ARMH3: variants seen among roughly 807,000 people sequenced by gnomAD.
The protein encoded by ARMH3 is armadillo like helical domain containing 3.
Under a neutral mutation model 99.1 loss-of-function variants are expected in ARMH3, and 60 were observed. The ratio of observed to expected loss-of-function variants is 0.61; its 90% CI spans 0.49 to 0.75. ARMH3 has a LOEUF of 0.75. Among genes scored for constraint, ARMH3 ranks in the 30% least tolerant of loss-of-function variants. ARMH3 has a pLI of 0.00. For synonymous variants in ARMH3, 285 were observed against 292.8 expected (o/e 0.97, Z 0.27); for missense variants, 679 against 843.1 (o/e 0.81, Z 2.41).
intron 24 of ARMH3, among the ~76,000 whole-genome samples, chr10:101,880,858 T>C (rs1374108655): frequency 1.3e-5 from 2 of 152,104 alleles, no homozygotes; most frequent in Non-Finnish European, 2.9e-5. Flanking sequence ...CAAACTGGGG[T>C]TCTCCTCTTA....
intron 20 of ARMH3, among the ~76,000 whole-genome samples, chr10:101,970,152 C>T (rs1346462577): frequency 6.6e-6 from 1 of 152,232 alleles, no homozygotes; most frequent in African/African-American, 2.4e-5. Context: ...AACAACTACA[C>T]ACTTCTCTCT....
At chr10:101,898,497 T>C (rs1589984974) in intron 23 of ARMH3, among the ~76,000 whole-genome samples, 2 of 152,116 alleles carry the variant, frequency 1.3e-5, no homozygotes, top group South Asian at 2.1e-4. Flanking sequence ...AATAAATAAA[T>C]AGTTTCATTC....
intron 24 of ARMH3, among the ~76,000 whole-genome samples, chr10:101,852,455 T>C (rs2066624932): frequency 6.6e-6 from 1 of 152,206 alleles, no homozygotes; most frequent in East Asian, 1.9e-4. Flanking sequence ...TACTAGCTCC[T>C]TGGAAGAAAA....
At chr10:101,910,558 C>A (rs551704363) in intron 23 of ARMH3, among the ~76,000 whole-genome samples, 91 of 151,688 alleles carry the variant, frequency 6.0e-4, no homozygotes, top group African/African-American at 2.1e-3. Flanking sequence ...GGCAAAACAT[C>A]GTCTCTACTA....
rs567195589 is a variant in ARMH3 at position 101,866,839 on chromosome 10, G to C, written c.1861-16947C>G. Among the ~76,000 whole-genome samples the C allele has an allele frequency of 2.6e-5, 4 of 152,278 alleles. No homozygotes were observed. The South Asian group carries it at 8.3e-4, about 32-fold the overall frequency. On this transcript the variant is annotated intron_variant, in intron 24 of 25. Transcript: ENST00000370033. ...AGCCTCTGCCAACCAAGAGGCAACA[G>C]ATGAATTTCTAGACACTATTAAGAA... is the stretch of plus-strand genomic sequence containing the variant.
chr10:101,990,500 G>C (rs753248925), intron 19 of ARMH3, 51 bp downstream of exon 19: 1 of 1,402,286 alleles, frequency 7.1e-7, no homozygotes, highest in Non-Finnish European at 1.0e-6. Flanking sequence ...CTAACATTCA[G>C]TTCTTTAAAA....
intron 23 of ARMH3, among the ~76,000 whole-genome samples, chr10:101,928,599 T>A (rs1200179626): frequency 2.0e-5 from 3 of 151,968 alleles, no homozygotes; most frequent in African/African-American, 7.3e-5. Flanking sequence ...AGCCCCAGAG[T>A]TTGAGGCCGC....
chr10:101,888,931 A>C (rs981162527), intron 24 of ARMH3, among the ~76,000 whole-genome samples: 5 of 152,166 alleles, frequency 3.3e-5, no homozygotes, highest in African/African-American at 1.2e-4. Flanking sequence ...ACCACAGAAA[A>C]ACCTCCTCAA....
intron 20 of ARMH3, among the ~76,000 whole-genome samples, chr10:101,960,903 A>G (rs1263830009): frequency 6.6e-6 from 1 of 151,916 alleles, no homozygotes; most frequent in Non-Finnish European, 1.5e-5. Flanking sequence ...AAAAAAAAAA[A>G]AAAAAGAAGA....
chr10:101,891,839 T>C (rs1481925100), intron 23 of ARMH3, among the ~76,000 whole-genome samples: 1 of 152,182 alleles, frequency 6.6e-6, no homozygotes, highest in Non-Finnish European at 1.5e-5. Flanking sequence ...CTAGGCGTGG[T>C]GGCTCACGCA....
At chr10:101,869,254 A>G (rs1046904983) in intron 24 of ARMH3, among the ~76,000 whole-genome samples, 6 of 151,808 alleles carry the variant, frequency 4.0e-5, no homozygotes, top group Non-Finnish European at 7.4e-5. Context: ...AAAAGCTACC[A>G]ACATACTTAA....
intron 25 of ARMH3, among the ~76,000 whole-genome samples, chr10:101,847,846 T>C (rs2066498507): frequency 6.6e-6 from 1 of 152,058 alleles, no homozygotes; most frequent in Admixed American, 6.5e-5. Flanking sequence ...CTCTGGAGGA[T>C]GTAAGAAGAG....
intron 5 of ARMH3, among the ~76,000 whole-genome samples, chr10:102,026,282 CA>C (rs1316412314): frequency 1.3e-5 from 2 of 152,158 alleles, no homozygotes; most frequent in East Asian, 3.9e-4. Context: ...CAGTTCAATT[CA>C]ATAAATATGT....
intron 23 of ARMH3, among the ~76,000 whole-genome samples, chr10:101,898,372 A>G (rs934128131): frequency 6.6e-6 from 1 of 151,890 alleles, no homozygotes; most frequent in Non-Finnish European, 1.5e-5. Context: ...AATAAAAAAA[A>G]AAGAAGAAGA....
intron 24 of ARMH3, 89 bp downstream of exon 24, chr10:101,889,323 T>C: frequency 1.5e-6 from 2 of 1,295,752 alleles, no homozygotes; most frequent in Non-Finnish European, 2.2e-6. Context: ...CCACAAAAGC[T>C]CAGTCACAGA....
chr10:101,872,991 C>T (rs184663758), intron 24 of ARMH3, among the ~76,000 whole-genome samples: 208 of 151,656 alleles, frequency 1.4e-3, no homozygotes, highest in Non-Finnish European at 2.5e-3. Context: ...AATAAGTATA[C>T]TACATACCCA....
At chr10:102,047,514 T>C (rs1386458406) in intron 1 of ARMH3, among the ~76,000 whole-genome samples, 1 of 149,408 alleles carries the variant, frequency 6.7e-6, no homozygotes, top group Non-Finnish European at 1.5e-5. Flanking sequence ...AGAGACAACC[T>C]CTCACTCTGT....
intron 20 of ARMH3, among the ~76,000 whole-genome samples, chr10:101,958,991 T>C (rs1040263511): frequency 6.6e-6 from 1 of 151,712 alleles, no homozygotes; most frequent in African/African-American, 2.4e-5. Flanking sequence ...CCTCAAATAG[T>C]AAAAAAAAGC....
intron 22 of ARMH3, among the ~76,000 whole-genome samples, chr10:101,954,419 T>C (rs1844937163): frequency 6.6e-6 from 1 of 152,154 alleles, no homozygotes; most frequent in African/African-American, 2.4e-5. Flanking sequence ...AAATACTATA[T>C]GAAAGAAGCC....
Sources: allele counts gnomAD v4.1 joint callset (sites outside exome capture counted in the v4.1 genomes callset), GRCh38; gene constraint gnomAD v4.1.1; transcripts MANE v1.5; gene names NCBI Gene and HGNC (gene_info 2026-07-23, HGNC 2026-07-21).